Variants in SPARC observed in about 807,000 individuals in gnomAD.
SPARC encodes the protein secreted protein acidic and cysteine rich.
In SPARC, 23 loss-of-function variants were observed where a neutral mutation model predicts 37.7. The observed-to-expected ratio is 0.61, with a 90% CI of 0.44 to 0.87. The LOEUF (loss-of-function observed/expected upper bound fraction) is 0.87. SPARC is among the 40% of genes least tolerant of loss of function. The pLI is 0.00. For missense variants in SPARC, 312 were observed against 389.0 expected (o/e 0.80, Z 1.66); for synonymous variants, 155 against 150.8 (o/e 1.03, Z -0.20).
At chr5:151,685,280 T>C (rs1221504431) in intron 1 of SPARC, 1 of 152,210 alleles carries the variant, frequency 6.6e-6, no homozygotes, top group Non-Finnish European at 1.5e-5. Context: ...GAAGGCTTCA[T>C]CCTCCAGCAA....
At chr5:151,682,266 G>A (rs1440547780) in intron 1 of SPARC, among the ~76,000 whole-genome samples, 9 of 152,190 alleles carry the variant, frequency 5.9e-5, no homozygotes, top group Admixed American at 4.6e-4. Context: ...GAATCAGCCC[G>A]AGATTCCATA....
At chr5:151,665,156 A>G (rs1760594262) in intron 8 of SPARC, among the ~76,000 whole-genome samples, 1 of 152,182 alleles carries the variant, frequency 6.6e-6, no homozygotes, top group Non-Finnish European at 1.5e-5. Context: ...GGTCACCTAC[A>G]GCCCTGGGAT....
At chr5:151,676,508 GTTGTT>G (rs1033690837) in intron 1 of SPARC, among the ~76,000 whole-genome samples, 1 of 152,110 alleles carries the variant, frequency 6.6e-6, no homozygotes, top group Non-Finnish European at 1.5e-5. Context: ...ACTGAATCAA[GTTGTT>G]TTGTTTTTTT....
At chr5:151,664,441 C>G (rs576688849) in intron 8 of SPARC, among the ~76,000 whole-genome samples, 2 of 152,350 alleles carry the variant, frequency 1.3e-5, no homozygotes, top group East Asian at 3.9e-4. Context: ...TTCGGAACCT[C>G]AGTTTCTCCT....
intron 1 of SPARC, among the ~76,000 whole-genome samples, chr5:151,678,331 G>T (rs893633165): frequency 2.0e-5 from 3 of 152,158 alleles, no homozygotes; most frequent in East Asian, 1.9e-4. Flanking sequence ...GGAAGGTTTC[G>T]CTGGGCGGCT....
intron 1 of SPARC, among the ~76,000 whole-genome samples, chr5:151,684,876 C>T (rs1561925188): frequency 1.3e-5 from 2 of 152,278 alleles, no homozygotes; most frequent in South Asian, 2.1e-4. Flanking sequence ...AAACCCAGGT[C>T]TTCAAACACC....
intron 7 of SPARC, among the ~76,000 whole-genome samples, chr5:151,667,261 G>C (rs1052088462): frequency 6.6e-6 from 1 of 152,202 alleles, no homozygotes; most frequent in African/African-American, 2.4e-5. Context: ...AAGGGAGCAG[G>C]TCTCTGCTGC....
intron 1 of SPARC, among the ~76,000 whole-genome samples, chr5:151,684,709 G>A (rs1440614924): frequency 2.0e-5 from 3 of 151,488 alleles, no homozygotes; most frequent in East Asian, 3.9e-4. Context: ...GCCACAATTC[G>A]CAAAGTGCTT....
intron 1 of SPARC, among the ~76,000 whole-genome samples, chr5:151,681,498 T>C (rs1159528001): frequency 6.6e-6 from 1 of 152,246 alleles, no homozygotes; most frequent in Admixed American, 6.5e-5. Flanking sequence ...TTCAATGAAG[T>C]CTTCTGCAGA....
intron 7 of SPARC, 75 bp from the exon 8 acceptor site, chr5:151,666,584 C>G (rs1760628318): frequency 7.1e-7 from 1 of 1,411,530 alleles, no homozygotes; most frequent in Non-Finnish European, 9.7e-7. Flanking sequence ...CCCACCCCTC[C>G]CAGAAGGCCA....
At position 151,671,665 on chromosome 5, in the gene SPARC, CGT is replaced by C; in HGVS notation, c.236_237del (p.His79ArgfsTer8). ...ENPCQNHHCKHGKVCELDENN... is the reference protein window; with the variant it reads ...ENPCQNHHCKXGKVCELDENN... ...TTCTCATCCAGCTCGCACACCTTGC[CGT>C]GTTTGCAGTGGTGGTTCTGGCAGGG... On this transcript the variant is annotated frameshift_variant, in exon 5 of 10. Coordinates refer to ENST00000231061, the MANE Select transcript of SPARC (RefSeq NM_003118.4). LOFTEE classifies it high-confidence loss of function. 1 of 1,613,376 alleles carries C rather than the reference CGT, an allele frequency of 6.2e-7. No homozygotes were observed. Among genetic ancestry groups the C allele is most frequent in the Non-Finnish European group, 8.5e-7 (1 of 1,179,612 alleles).
chr5:151,663,789 C>G (rs377137899), intron 9 of SPARC, among the ~76,000 whole-genome samples, 190 bp from the exon 10 acceptor site: 1 of 152,304 alleles, frequency 6.6e-6, no homozygotes, highest in South Asian at 2.1e-4. Context: ...CTCTTACACA[C>G]GCTGCCAAGT....
intron 1 of SPARC, among the ~76,000 whole-genome samples, chr5:151,684,575 T>C (rs1581534149): frequency 7.8e-6 from 1 of 128,596 alleles, no homozygotes; most frequent in Admixed American, 8.5e-5. Flanking sequence ...GAAAGTTCTA[T>C]ACAAACCCCA....
Position 151,661,135 on chromosome 5 carries a change from C to T in SPARC, c.*2436G>A, listed in dbSNP as rs915085404. The T allele has an allele frequency of 9.2e-5, 14 of 152,320 alleles. No homozygotes were observed. Among genetic ancestry groups the T allele is most frequent in the African/African-American group, 2.2e-4 (9 of 41,574 alleles). The allele number at this position is 152,320 out of a possible 1,614,324, so 9.4% of individuals were successfully genotyped here. ...TCTCTGCTTTATTTCCTTTACAGCACGTTTTTATCAGAAACAGTATTGCAA... is the reference window on the plus strand; with the variant it reads ...TCTCTGCTTTATTTCCTTTACAGCATGTTTTTATCAGAAACAGTATTGCAA... On this transcript the variant is annotated 3_prime_UTR_variant, in exon 10 of 10. Transcript: ENST00000231061.
chr5:151,661,286 A>G lies in SPARC; in HGVS notation c.*2285T>C, dbSNP rs1368061843. 1 of 152,194 alleles carries G rather than the reference A, an allele frequency of 6.6e-6. No individual in the cohort carries two copies. The highest frequency in any genetic ancestry group is 1.5e-5 in the Non-Finnish European group (1 of 68,046). The allele number at this position is 152,194 out of a possible 1,614,324, so 9.4% of individuals were successfully genotyped here. A position where few individuals can be genotyped will look rare whatever the true frequency, so the allele number is the denominator to read the frequency against. ...CTGATGAATGTCGCCGAATGACTGAATGAGCCAATGCTGAAATTTACTTCA... is the reference window on the plus strand; with the variant it reads ...CTGATGAATGTCGCCGAATGACTGAGTGAGCCAATGCTGAAATTTACTTCA... On this transcript the variant is annotated 3_prime_UTR_variant, in exon 10 of 10. Transcript: ENST00000231061.
At chr5:151,672,758 G>GT in intron 4 of SPARC, 1 of 260,500 alleles carries the variant, frequency 3.8e-6, no homozygotes. Context: ...ACTTCTCTGT[G>GT]GGGCACGGGC....
At chr5:151,672,134 A>C (rs1012819072) in intron 4 of SPARC, among the ~76,000 whole-genome samples, 4 of 152,188 alleles carry the variant, frequency 2.6e-5, no homozygotes, top group African/African-American at 9.7e-5. Context: ...AACAGACTTA[A>C]GTGGCAGTAA....
At chr5:151,677,204 T>A (rs576507911) in intron 1 of SPARC, among the ~76,000 whole-genome samples, 3 of 152,326 alleles carry the variant, frequency 2.0e-5, no homozygotes, top group African/African-American at 7.2e-5. Flanking sequence ...TTTCTTGCAC[T>A]AACTAAATGG....
chr5:151,666,288 G>A, intron 8 of SPARC, 73 bp downstream of exon 8: 1 of 1,506,902 alleles, frequency 6.6e-7, no homozygotes. Context: ...ATAGGCTGCT[G>A]AGAGGCTTTC....
Sources: gnomAD v4.1 joint callset for allele counts (sites outside exome capture counted in the v4.1 genomes callset) on GRCh38, gnomAD v4.1.1 for gene constraint, MANE v1.5 for transcripts, NCBI Gene and HGNC (gene_info 2026-07-23, HGNC 2026-07-21) for gene names.